Variants in CORIN observed in about 807,000 individuals in gnomAD.
The protein encoded by CORIN is corin, serine peptidase.
CORIN carries 117 observed loss-of-function variants against 125.3 expected under a neutral mutation model. The observed-to-expected ratio is 0.93, with a 90% confidence interval of 0.80 to 1.09. The LOEUF is 1.09. Ranked by LOEUF, CORIN falls within the 50% of genes least tolerant of loss-of-function variation. CORIN has a pLI of 0.00. For synonymous variants in CORIN, 450 were observed against 466.4 expected (o/e 0.96, Z 0.45); for missense variants, 1,253 against 1,306.7 (o/e 0.96, Z 0.63).
At chr4:47,690,469 C>T (rs1433387279) in intron 6 of CORIN, among the ~76,000 whole-genome samples, 1 of 152,204 alleles carries the variant, frequency 6.6e-6, no homozygotes, top group Non-Finnish European at 1.5e-5. Flanking sequence ...CCCTTTTCTC[C>T]CTTCCTTTGA....
intron 4 of CORIN, among the ~76,000 whole-genome samples, chr4:47,751,275 G>C (rs1482701060): frequency 6.6e-6 from 1 of 152,086 alleles, no homozygotes; most frequent in Non-Finnish European, 1.5e-5. Flanking sequence ...TTTTTTCGGG[G>C]AGTATAGCTC....
Position 47,763,394 on chromosome 4 carries a change from A to C in CORIN, c.602T>G (p.Ile201Ser). ...GCTLAFPECIIDGDDSHGLLP... is the reference protein window; with the variant it reads ...GCTLAFPECISDGDDSHGLLP... Reference sequence around the variant, plus strand: ...TCCGAAATACCTGTCATCGCCATCAATGATGCACTCAGGGAAGGCGAGGGT... The same window carrying C: ...TCCGAAATACCTGTCATCGCCATCACTGATGCACTCAGGGAAGGCGAGGGT... The change falls in exon 4 of 22, where the codon ATT becomes AGT. Residue 201 changes from isoleucine to serine, a missense_variant. Transcript: ENST00000273857. 1 of 1,613,646 alleles carries C rather than the reference A, an allele frequency of 6.2e-7. No homozygotes were observed. The highest frequency in any genetic ancestry group is 8.5e-7 in the Non-Finnish European group (1 of 1,179,678).
chr4:47,754,602 T>G (rs1375671094), intron 4 of CORIN, among the ~76,000 whole-genome samples: 1 of 152,050 alleles, frequency 6.6e-6, no homozygotes, highest in Admixed American at 6.6e-5. Flanking sequence ...TTTTCTACCA[T>G]GAACTGTTTA....
At chr4:47,605,379 G>T (rs1223811210) in intron 19 of CORIN, among the ~76,000 whole-genome samples, 2 of 152,046 alleles carry the variant, frequency 1.3e-5, no homozygotes, top group Non-Finnish European at 2.9e-5. Flanking sequence ...ATTTAATGAT[G>T]GCTCAATGAA....
At chr4:47,832,662 G>T (rs1733110193) in intron 1 of CORIN, among the ~76,000 whole-genome samples, 2 of 151,914 alleles carry the variant, frequency 1.3e-5, no homozygotes, top group Non-Finnish European at 1.5e-5. Flanking sequence ...GGCCAAGCTG[G>T]TCTCGAACTC....
chr4:47,789,209 C>G (rs1730954059), intron 2 of CORIN, among the ~76,000 whole-genome samples: 1 of 152,080 alleles, frequency 6.6e-6, no homozygotes, highest in African/African-American at 2.4e-5. Flanking sequence ...GAGGCTGTGG[C>G]AGGAGAATTG....
At chr4:47,662,184 C>T (rs1033073106) in intron 11 of CORIN, among the ~76,000 whole-genome samples, 1 of 152,208 alleles carries the variant, frequency 6.6e-6, no homozygotes, top group Admixed American at 6.5e-5. Flanking sequence ...ATTCTCCAAC[C>T]TTTTGTTCCA....
chr4:47,795,054 C>A (rs1156550473), intron 2 of CORIN, among the ~76,000 whole-genome samples: 2 of 152,108 alleles, frequency 1.3e-5, no homozygotes, highest in East Asian at 1.9e-4. Flanking sequence ...AGTATTCTTT[C>A]CCCCTCGTGT....
At chr4:47,656,577 A>G (rs1723992035) in intron 12 of CORIN, among the ~76,000 whole-genome samples, 2 of 152,240 alleles carry the variant, frequency 1.3e-5, no homozygotes, top group Non-Finnish European at 2.9e-5. Flanking sequence ...GATAAAATTC[A>G]ACATCCCTTC....
rs574477681 is a variant in CORIN at position 47,774,308 on chromosome 4, C to T, written c.410-10722G>A. Among the ~76,000 whole-genome samples the T allele has an allele frequency of 1.1e-4, 16 of 152,190 alleles. 1 individual carries two copies. The highest frequency in any genetic ancestry group is 3.4e-4 in the African/African-American group (14 of 41,550). ...GTGGGAGCCGGGAACAGGTGGGAGCCCCACCCCCTTCTCAGCTGGCAGGGC... is the reference window on the plus strand; with the variant it reads ...GTGGGAGCCGGGAACAGGTGGGAGCTCCACCCCCTTCTCAGCTGGCAGGGC... On this transcript the variant is annotated intron_variant, in intron 3 of 21. Transcript: ENST00000273857.
Position 47,645,083 on chromosome 4 carries a change from C to A in CORIN, c.1955G>T (p.Cys652Phe). The A allele has an allele frequency of 6.3e-7, 1 of 1,578,694 alleles. No individual in the cohort carries two copies. Residue 652 changes from cysteine to phenylalanine, a missense_variant and splice_region_variant, in exon 14 of 22, where the codon TGC becomes TTC. By Grantham distance (205) the Cys-to-Phe change is radical (BLOSUM62 -2). Coordinates refer to ENST00000273857, the MANE Select transcript of CORIN (RefSeq NM_006587.4). The stretch of plus-strand genomic sequence containing the variant: ...GACAAATTCGCATAAGCACTTACAG[C>A]AGTTTTTCTCGTCCATGTAATCAGG... Reference protein sequence around the residue: ...DCPDYMDEKNCSFCQDDELEC... With the variant: ...DCPDYMDEKNFSFCQDDELEC...
At chr4:47,803,200 T>C (rs552979488) in intron 2 of CORIN, among the ~76,000 whole-genome samples, 58 of 152,098 alleles carry the variant, frequency 3.8e-4, no homozygotes, top group Middle Eastern at 3.4e-3. Flanking sequence ...TGAAAAAAAC[T>C]GAAGAGGACA....
At chr4:47,702,524 T>C (rs983756002) in intron 5 of CORIN, among the ~76,000 whole-genome samples, 2 of 152,206 alleles carry the variant, frequency 1.3e-5, no homozygotes, top group African/African-American at 2.4e-5. Context: ...CATGGTATTT[T>C]TCTTATTCGT....
chr4:47,610,952 T>C (rs1268608638), intron 19 of CORIN, among the ~76,000 whole-genome samples: 2 of 151,334 alleles, frequency 1.3e-5, no homozygotes, highest in East Asian at 1.9e-4. Flanking sequence ...TTGGTCTATG[T>C]GTCTGTTCTT....
chr4:47,836,402 T>C (rs1236593731), intron 1 of CORIN, among the ~76,000 whole-genome samples: 1 of 152,260 alleles, frequency 6.6e-6, no homozygotes, highest in East Asian at 1.9e-4. Context: ...CAAAACTATC[T>C]GCTTAAATGT....
Position 47,837,964 on chromosome 4 carries a change from G to A in CORIN, c.-15C>T, listed in dbSNP as rs776878149. 1.2e-6 allele frequency: 2 copies of A among 1,611,042 alleles called. No individual in the cohort carries two copies. The highest frequency in any genetic ancestry group is 2.2e-5 in the East Asian group (1 of 44,882). On this transcript the variant is annotated 5_prime_UTR_variant, in exon 1 of 22. Coordinates refer to ENST00000273857, the MANE Select transcript of CORIN (RefSeq NM_006587.4). ...GACTGTTTCATGGATAAAAAGTCTCGCTTATTCTTCTGTCCACTTTTATCT... is the reference window on the plus strand; with the variant it reads ...GACTGTTTCATGGATAAAAAGTCTCACTTATTCTTCTGTCCACTTTTATCT...
At chr4:47,813,959 G>T (rs746932753) in intron 1 of CORIN, among the ~76,000 whole-genome samples, 3 of 152,138 alleles carry the variant, frequency 2.0e-5, no homozygotes, top group Non-Finnish European at 4.4e-5. Flanking sequence ...AGATGGGATT[G>T]TATGCAAAAT....
chr4:47,763,244 G>C (rs527684121), intron 4 of CORIN, 135 bp downstream of exon 4: 72 of 653,288 alleles, frequency 1.1e-4, no homozygotes, highest in Middle Eastern at 5.1e-4. Flanking sequence ...TATTTTCAAA[G>C]AATTAGAACT....
At position 47,641,938 on chromosome 4, in the gene CORIN, C is replaced by T; in HGVS notation, c.2180G>A (p.Cys727Tyr). The change falls in exon 16 of 22, where the codon TGC becomes TAC. Residue 727 changes from cysteine to tyrosine, a missense_variant. Physicochemically the swap from Cys to Tyr is radical, Grantham distance 194. Transcript: ENST00000273857. ...GWQEILSQLA[C>Y]KQMGLGEPSV... ...ACCTTACCCTAAACCCATCTGCTTG[C>T]AGGCCAGCTGACTCAATATCTCCTG... is the stretch of plus-strand genomic sequence containing the variant. 2 of 1,613,356 alleles carry T rather than the reference C, an allele frequency of 1.2e-6. No homozygotes were observed. Among genetic ancestry groups the T allele is most frequent in the Non-Finnish European group, 1.7e-6 (2 of 1,179,494 alleles).
Sources: allele counts gnomAD v4.1 joint callset (sites outside exome capture counted in the v4.1 genomes callset), GRCh38; gene constraint gnomAD v4.1.1; transcripts MANE v1.5; gene names NCBI Gene and HGNC (gene_info 2026-07-23, HGNC 2026-07-21).